Variants in ARHGAP6 observed in about 807,000 individuals in gnomAD.
ARHGAP6 encodes the protein Rho GTPase activating protein 6.
ARHGAP6 carries 16 observed loss-of-function variants against 55.7 expected under a neutral mutation model. The ratio of observed to expected loss-of-function variants is 0.29; its 90% CI spans 0.19 to 0.44. The LOEUF (loss-of-function observed/expected upper bound fraction) is 0.44, where lower values mean the gene tolerates loss of function less well. Ranked by LOEUF, ARHGAP6 falls within the 20% of genes least tolerant of loss-of-function variation. The pLI is 1.00. For synonymous variants in ARHGAP6, 382 were observed against 360.9 expected (o/e 1.06, Z -0.66); for missense variants, 698 against 808.9 (o/e 0.86, Z 1.66).
At chrX:11,516,505 T>C (rs1336333743) in intron 1 of ARHGAP6, among the ~76,000 whole-genome samples, 1 of 112,209 alleles carries the variant, frequency 8.9e-6, no homozygotes, top group Non-Finnish European at 1.9e-5. Context: ...TCACCAAGTA[T>C]GTATGCAACA....
chrX:11,611,924 A>C (rs371749109), intron 1 of ARHGAP6, among the ~76,000 whole-genome samples: 8 of 76,468 alleles, frequency 1.0e-4, no homozygotes, highest in Admixed American at 1.0e-3. Flanking sequence ...AGAAAAGTAC[A>C]AAAAAAAAAA....
intron 1 of ARHGAP6, among the ~76,000 whole-genome samples, chrX:11,499,096 C>T (rs774159987): frequency 3.6e-5 from 4 of 111,923 alleles, no homozygotes; most frequent in Non-Finnish European, 7.5e-5. Flanking sequence ...AAAATAACAT[C>T]CTGGAATGAG....
At chrX:11,211,222 GTT>G (rs1231718233) in intron 2 of ARHGAP6, among the ~76,000 whole-genome samples, 3 of 91,891 alleles carry the variant, frequency 3.3e-5, no homozygotes, top group Non-Finnish European at 2.2e-5. Context: ...GAGAACTGCT[GTT>G]TTTTTTTTTT....
At chrX:11,408,528 G>T (rs778120162) in intron 1 of ARHGAP6, among the ~76,000 whole-genome samples, 21 of 111,271 alleles carry the variant, frequency 1.9e-4, no homozygotes, top group African/African-American at 6.9e-4. Flanking sequence ...TACAACGGAA[G>T]CACCCTTAGC....
chrX:11,287,298 G>A (rs1293940024), intron 1 of ARHGAP6, among the ~76,000 whole-genome samples: 1 of 111,724 alleles, frequency 9.0e-6, no homozygotes, highest in Admixed American at 9.5e-5. Flanking sequence ...TTCTTATAAT[G>A]TTATCATTTG....
intron 1 of ARHGAP6, among the ~76,000 whole-genome samples, chrX:11,289,751 C>T (rs898383274): frequency 2.7e-5 from 3 of 111,452 alleles, no homozygotes; most frequent in African/African-American, 9.8e-5. Context: ...CTTTGGGAGG[C>T]CGAGGCAGGC....
intron 1 of ARHGAP6, among the ~76,000 whole-genome samples, chrX:11,519,353 A>T (rs1435516642): frequency 4.5e-5 from 5 of 109,939 alleles, no homozygotes; most frequent in African/African-American, 1.7e-4. Flanking sequence ...GATATCTCAT[A>T]GTGGTTTTGA....
intron 1 of ARHGAP6, among the ~76,000 whole-genome samples, chrX:11,424,738 G>A (rs995843012): frequency 8.9e-6 from 1 of 112,460 alleles, no homozygotes; most frequent in African/African-American, 3.2e-5. Flanking sequence ...ACAACACCCA[G>A]CTGGAAGGAC....
intron 9 of ARHGAP6, among the ~76,000 whole-genome samples, chrX:11,164,006 A>C (rs2045984272): frequency 1.8e-5 from 2 of 112,775 alleles, no homozygotes; most frequent in South Asian, 7.3e-4. Flanking sequence ...TTCTGTCTTT[A>C]CAGACAGGGC....
chrX:11,496,725 C>T (rs894211048), intron 1 of ARHGAP6, among the ~76,000 whole-genome samples: 11 of 112,175 alleles, frequency 9.8e-5, no homozygotes, highest in Admixed American at 2.9e-4. Flanking sequence ...TGGATTTTAA[C>T]AAAGCCAAAT....
chrX:11,182,251 T>C, intron 5 of ARHGAP6, 133 bp from the exon 6 acceptor site: 3 of 415,414 alleles, frequency 7.2e-6, no homozygotes, highest in Non-Finnish European at 1.2e-5. Flanking sequence ...CATACAGTAA[T>C]GCTTCTTTCA....
At chrX:11,281,619 T>C (rs968472733) in intron 1 of ARHGAP6, among the ~76,000 whole-genome samples, 5 of 111,193 alleles carry the variant, frequency 4.5e-5, no homozygotes, top group African/African-American at 1.6e-4. Flanking sequence ...ATCCACTATA[T>C]GTAAAGTTAA....
intron 8 of ARHGAP6, among the ~76,000 whole-genome samples, chrX:11,174,586 CTTTCTT>C (rs1335130210): frequency 1.6e-4 from 14 of 89,644 alleles, no homozygotes; most frequent in East Asian, 6.6e-4. Context: ...TTCTTTCTTT[CTTTCTT>C]TTTCTTTCTT....
At chrX:11,501,967 T>TGC (rs1480889283) in intron 1 of ARHGAP6, among the ~76,000 whole-genome samples, 2 of 111,670 alleles carry the variant, frequency 1.8e-5, no homozygotes, top group Non-Finnish European at 3.8e-5. Flanking sequence ...TGTGTGTGTG[T>TGC]GCACATGTGT....
At chrX:11,518,565 G>A (rs1365470929) in intron 1 of ARHGAP6, among the ~76,000 whole-genome samples, 1 of 104,698 alleles carries the variant, frequency 9.6e-6, no homozygotes, top group Non-Finnish European at 2.0e-5. Context: ...TCCAACTAAG[G>A]GATGTTTCTT....
At chrX:11,279,400 T>C (rs1207151649) in intron 1 of ARHGAP6, among the ~76,000 whole-genome samples, 2 of 112,145 alleles carry the variant, frequency 1.8e-5, no homozygotes, top group Non-Finnish European at 3.8e-5. Flanking sequence ...TTTATCCTGT[T>C]CCTAAAAATG....
intron 1 of ARHGAP6, among the ~76,000 whole-genome samples, chrX:11,320,227 A>C (rs1431540524): frequency 8.9e-6 from 1 of 111,946 alleles, no homozygotes; most frequent in African/African-American, 3.3e-5. Flanking sequence ...AGTTCCTCAG[A>C]TGCCAACCCT....
intron 1 of ARHGAP6, among the ~76,000 whole-genome samples, chrX:11,342,410 T>C (rs896050781): frequency 8.9e-6 from 1 of 112,286 alleles, no homozygotes; most frequent in African/African-American, 3.2e-5. Flanking sequence ...TTGGACGCTA[T>C]AGTCTGGATC....
chrX:11,496,800 G>T (rs1347191857), intron 1 of ARHGAP6, among the ~76,000 whole-genome samples: 1 of 111,613 alleles, frequency 9.0e-6, no homozygotes, highest in Non-Finnish European at 1.9e-5. Flanking sequence ...TAAAGTATTT[G>T]TTTTGATTAA....
Sources: gnomAD v4.1 joint callset for allele counts (sites outside exome capture counted in the v4.1 genomes callset) on GRCh38, gnomAD v4.1.1 for gene constraint, MANE v1.5 for transcripts, NCBI Gene and HGNC (gene_info 2026-07-23, HGNC 2026-07-21) for gene names.